ETFA: variants seen among roughly 807,000 people sequenced by gnomAD.
The protein encoded by ETFA is electron transfer flavoprotein subunit alpha.
A neutral mutation model predicts 46.2 loss-of-function variants in ETFA; 22 were observed. The ratio of observed to expected loss-of-function variants is 0.48; its 90% CI spans 0.34 to 0.68. The LOEUF (loss-of-function observed/expected upper bound fraction) is 0.68, where lower values mean the gene tolerates loss of function less well. Among genes scored for constraint, ETFA ranks in the 30% least tolerant of loss-of-function variants. The pLI, the probability that ETFA is intolerant of heterozygous loss-of-function variation, is 0.01. For missense variants in ETFA, 345 were observed against 401.1 expected (o/e 0.86, Z 1.19); for synonymous variants, 131 against 139.9 (o/e 0.94, Z 0.45).
chr15:76,261,586 G>T (rs996718633), intron 9 of ETFA: 11 of 518,168 alleles, frequency 2.1e-5, no homozygotes, highest in African/African-American at 1.9e-4. Flanking sequence ...CTGCAGCTGC[G>T]GACTCTGGGA....
chr15:76,260,201 G>A (rs956316442), intron 9 of ETFA: 27 of 1,244,888 alleles, frequency 2.2e-5, no homozygotes, highest in East Asian at 2.1e-4. Flanking sequence ...CCTTTAGTTC[G>A]CTGTTGATGC....
chr15:76,289,674 C>A (rs535653472), intron 4 of ETFA, among the ~76,000 whole-genome samples: 24 of 152,172 alleles, frequency 1.6e-4, no homozygotes, highest in Non-Finnish European at 2.6e-4. Flanking sequence ...TAAAAAATGA[C>A]ATATTTTAAA....
chr15:76,236,785 A>G (rs2039128080), intron 9 of ETFA, among the ~76,000 whole-genome samples: 1 of 152,216 alleles, frequency 6.6e-6, no homozygotes, highest in Admixed American at 6.5e-5. Context: ...GCAGATGAAA[A>G]CTACTGGTTT....
At chr15:76,255,350 C>T (rs1393609038) in intron 9 of ETFA, among the ~76,000 whole-genome samples, 1 of 152,004 alleles carries the variant, frequency 6.6e-6, no homozygotes, top group Non-Finnish European at 1.5e-5. Context: ...AGTTTAAGAG[C>T]CAAAAGCTGT....
At chr15:76,263,218 C>T (rs1341838404) in intron 9 of ETFA, among the ~76,000 whole-genome samples, 1 of 152,216 alleles carries the variant, frequency 6.6e-6, no homozygotes, top group African/African-American at 2.4e-5. Flanking sequence ...AACCTCCATA[C>T]TAGCGTTGGC....
intron 11 of ETFA, among the ~76,000 whole-genome samples, chr15:76,218,675 C>A (rs1444369722): frequency 6.6e-6 from 1 of 152,218 alleles, no homozygotes; most frequent in Non-Finnish European, 1.5e-5. Context: ...ACTGAAAGAT[C>A]TGGATTCTTG....
intron 11 of ETFA, chr15:76,217,673 G>A (rs1451710241): frequency 4.4e-6 from 2 of 450,714 alleles, no homozygotes; most frequent in Non-Finnish European, 9.0e-6. Flanking sequence ...AGCTGTCCAA[G>A]GGGGCTGCAG....
intron 1 of ETFA, among the ~76,000 whole-genome samples, chr15:76,310,936 G>A (rs780451765): frequency 4.8e-5 from 7 of 145,264 alleles, no homozygotes; most frequent in Non-Finnish European, 1.1e-4. Context: ...GCCGGCCTCC[G>A]GGAGGAATCT....
intron 11 of ETFA, among the ~76,000 whole-genome samples, chr15:76,221,374 T>G (rs2038954762): frequency 6.6e-6 from 1 of 152,204 alleles, no homozygotes; most frequent in African/African-American, 2.4e-5. Context: ...CTGACAGGTA[T>G]GGAATTCTTT....
Position 76,285,675 on chromosome 15 carries a change from C to T in ETFA, c.626G>A (p.Arg209Gln), listed in dbSNP as rs781400558. 7 of 1,612,102 alleles carry T rather than the reference C, an allele frequency of 4.3e-6. No homozygotes were observed. The highest frequency in any genetic ancestry group is 2.2e-5 in the East Asian group (1 of 44,860). The change falls in exon 7 of 12, where the codon CGA becomes CAA. Residue 209 changes from arginine to glutamine, a missense_variant. Coordinates refer to ENST00000557943, the MANE Select transcript of ETFA (RefSeq NM_000126.4). ...CACTTTGGCACCTGTTAGCTCTGGT[C>T]GATCACTTTTTGTTAATTTCTGGTC... is the stretch of plus-strand genomic sequence containing the variant. ...WLDQKLTKSD[R>Q]PELTGAKVVV... is the part of the protein sequence containing the mutation.
At chr15:76,237,763 C>G (rs146401766) in intron 9 of ETFA, among the ~76,000 whole-genome samples, 1 of 152,074 alleles carries the variant, frequency 6.6e-6, no homozygotes, top group East Asian at 1.9e-4. Context: ...AAGGAGACAG[C>G]CAACTGTCAA....
At chr15:76,296,944 G>A (rs1004556957) in intron 1 of ETFA, among the ~76,000 whole-genome samples, 3 of 152,180 alleles carry the variant, frequency 2.0e-5, no homozygotes, top group Non-Finnish European at 4.4e-5. Context: ...GTTCTATCAT[G>A]TGAAAAGATG....
intron 4 of ETFA, among the ~76,000 whole-genome samples, chr15:76,289,063 G>A (rs1198661948): frequency 1.3e-5 from 2 of 151,930 alleles, no homozygotes; most frequent in Non-Finnish European, 2.9e-5. Context: ...GGGACTACAG[G>A]CGCACGCTAC....
At chr15:76,245,323 T>C (rs1006023476) in intron 9 of ETFA, 5 of 152,226 alleles carry the variant, frequency 3.3e-5, no homozygotes, top group Non-Finnish European at 1.5e-5. Flanking sequence ...TTAATGCTTC[T>C]ATACCAACCC....
chr15:76,225,682 C>G lies in ETFA; in HGVS notation c.963+167G>C, dbSNP rs1408736591. ...CAACACATATCTACTCTTAGAGCAA[C>G]TTAACTTTAAGTAGGTCAAAATTGT... On this transcript the variant is annotated intron_variant, in intron 11 of 11. Coordinates refer to ENST00000557943, the MANE Select transcript of ETFA (RefSeq NM_000126.4). Among the ~76,000 whole-genome samples, 3 of 152,202 alleles carry G rather than the reference C, an allele frequency of 2.0e-5. No homozygotes were observed. In the East Asian group the frequency reaches 5.8e-4, roughly 29 times the overall value.
At chr15:76,282,889 C>A (rs1159175752) in intron 8 of ETFA, among the ~76,000 whole-genome samples, 1 of 152,088 alleles carries the variant, frequency 6.6e-6, no homozygotes, top group Non-Finnish European at 1.5e-5. Flanking sequence ...TTCCTAGGTT[C>A]AAGCAATCCT....
chr15:76,292,469 A>G lies in ETFA; in HGVS notation c.313T>C (p.Tyr105His), dbSNP rs1377162985. 1.9e-6 allele frequency: 3 copies of G among 1,613,800 alleles called. No individual in the cohort carries two copies. The highest frequency in any genetic ancestry group is 1.7e-6 in the Non-Finnish European group (2 of 1,179,774). Residue 105 changes from tyrosine to histidine, a missense_variant, in exon 4 of 12, where the codon TAC becomes CAC. Transcript: ENST00000557943. ...LILATQKQFN[Y>H]THICAGASAF... ...GATGCTCCAGCACAGATGTGTGTGT[A>G]ATTGAACTGCTTCTGAGTTGCCAAA...
At chr15:76,248,638 A>G (rs1370687298) in intron 9 of ETFA, among the ~76,000 whole-genome samples, 2 of 152,184 alleles carry the variant, frequency 1.3e-5, no homozygotes, top group African/African-American at 4.8e-5. Flanking sequence ...ATAACCAACA[A>G]AAGATGTGTA....
At chr15:76,240,929 TAATA>T (rs2039179668) in intron 9 of ETFA, among the ~76,000 whole-genome samples, 1 of 151,042 alleles carries the variant, frequency 6.6e-6, no homozygotes, top group Non-Finnish European at 1.5e-5. Flanking sequence ...ATATTAATAA[TAATA>T]AATTAAATAT....
Sources: gnomAD v4.1 joint callset for allele counts (sites outside exome capture counted in the v4.1 genomes callset) on GRCh38, gnomAD v4.1.1 for gene constraint, MANE v1.5 for transcripts, NCBI Gene and HGNC (gene_info 2026-07-23, HGNC 2026-07-21) for gene names.